The following C2orf49 variants were observed in gnomAD, a reference collection of about 807,000 sequenced individuals.
The protein encoded by C2orf49 is tRNA splicing ligase complex subunit 2.
Under a neutral mutation model 20.6 loss-of-function variants are expected in C2orf49, and 11 were observed. That is an observed-to-expected ratio of 0.53 (90% CI 0.34 to 0.88). C2orf49 has a LOEUF of 0.88. C2orf49 is among the 40% of genes least tolerant of loss of function. C2orf49 has a pLI of 0.02. For synonymous variants in C2orf49, 134 were observed against 108.5 expected (o/e 1.24, Z -1.46); for missense variants, 289 against 274.2 (o/e 1.05, Z -0.38).
the C2orf49 span, among the ~76,000 whole-genome samples, chr2:105,370,851 C>G: frequency 6.6e-6 from 1 of 152,112 alleles, no homozygotes; most frequent in East Asian, 1.9e-4. Flanking sequence ...GCCATCCAAC[C>G]CAGGGAACAC....
At chr2:105,374,656 C>T in the C2orf49 span, 1 of 152,244 alleles carries the variant, frequency 6.6e-6, no homozygotes, top group East Asian at 1.9e-4. Flanking sequence ...GCAGAAAACT[C>T]GACTCCACAC....
the C2orf49 span, among the ~76,000 whole-genome samples, chr2:105,371,694 T>C: frequency 6.6e-6 from 1 of 152,222 alleles, no homozygotes; most frequent in East Asian, 1.9e-4. Context: ...ATATGCATAC[T>C]TTTTATGTCA....
intron 3 of C2orf49, among the ~76,000 whole-genome samples, chr2:105,344,391 C>T (rs780952826): frequency 9.2e-5 from 14 of 151,772 alleles, no homozygotes; most frequent in Non-Finnish European, 1.6e-4. Flanking sequence ...TTTCCAGGCT[C>T]TTAAACAGCA....
Position 105,345,538 on chromosome 2 carries a change from T to A in C2orf49, c.*167T>A. Reference sequence around the variant, plus strand: ...TATTTTCCTTCCCTTCTTCCCTCCCTCCCTTCCTTTTTTAAAATTCTTGCC... The same window carrying A: ...TATTTTCCTTCCCTTCTTCCCTCCCACCCTTCCTTTTTTAAAATTCTTGCC... On this transcript the variant is annotated 3_prime_UTR_variant, in exon 4 of 4. Coordinates refer to ENST00000258457, the MANE Select transcript of C2orf49 (RefSeq NM_024093.3). 1.6e-6 allele frequency: 1 copy of A among 634,742 alleles called. No homozygotes were observed. The highest frequency in any genetic ancestry group is 2.8e-5 in the East Asian group (1 of 35,630). 39.3% of individuals were successfully genotyped at this position (634,742 alleles called of 1,614,324 possible).
chr2:105,364,112 G>T, the C2orf49 span, among the ~76,000 whole-genome samples: 9 of 152,084 alleles, frequency 5.9e-5, no homozygotes, highest in African/African-American at 2.2e-4. Context: ...CAAAAAATTA[G>T]CTGAGTGTGG....
chr2:105,362,394 G>C, the C2orf49 span, among the ~76,000 whole-genome samples: 1 of 152,200 alleles, frequency 6.6e-6, no homozygotes, highest in African/African-American at 2.4e-5. Context: ...GCTGAGTTAG[G>C]TGAACTTGGT....
At chr2:105,351,311 G>GCGCCC (rs1679927899), downstream of C2orf49, among the ~76,000 whole-genome samples, 1 of 50,432 alleles carries the variant, frequency 2.0e-5, no homozygotes, top group South Asian at 7.7e-4. Context: ...TTTGCCCACC[G>GCGCCC]CGCCCCCCCC....
intron 1 of C2orf49, 114 bp from the exon 2 acceptor site, chr2:105,339,469 T>C: frequency 2.0e-6 from 2 of 977,636 alleles, no homozygotes; most frequent in Non-Finnish European, 3.0e-6. Flanking sequence ...ATTGTGAAAA[T>C]GGCTTTTTAT....
chr2:105,364,919 C>T, the C2orf49 span, among the ~76,000 whole-genome samples: 2 of 152,144 alleles, frequency 1.3e-5, no homozygotes, highest in South Asian at 2.1e-4. Context: ...TTCATTAAAC[C>T]ATAAATCATG....
In C2orf49 at chr2:105,339,654, A is replaced by C. The variant is rs762781213; in HGVS notation, c.171A>C (p.Ala57=). The C allele has an allele frequency of 1.2e-6, 2 of 1,610,086 alleles. No individual in the cohort carries two copies. Among genetic ancestry groups the C allele is most frequent in the African/African-American group, 2.7e-5 (2 of 74,732 alleles). Reference sequence around the variant, plus strand: ...TTACTGACCTTTATGTCCAACATGCAATACCATTGCCTCAGAGGGATTTGC... The same window carrying C: ...TTACTGACCTTTATGTCCAACATGCCATACCATTGCCTCAGAGGGATTTGC... ...DSLTDLYVQH[A]IPLPQRDLPK... Residue 57 remains alanine (A), a synonymous_variant, in exon 2 of 4, where the codon GCA becomes GCC. Coordinates refer to ENST00000258457, the MANE Select transcript of C2orf49 (RefSeq NM_024093.3).
At chr2:105,374,139 C>T in the C2orf49 span, 3 of 279,132 alleles carry the variant, frequency 1.1e-5, no homozygotes, top group Non-Finnish European at 2.1e-5. Context: ...CTGCCCAACT[C>T]AGATCACTGT....
At chr2:105,352,431 T>TTTG (rs1679957621), downstream of C2orf49, among the ~76,000 whole-genome samples, 1 of 86,886 alleles carries the variant, frequency 1.2e-5, no homozygotes, top group Non-Finnish European at 2.9e-5. Flanking sequence ...TTGTTTGGGT[T>TTTG]TTTTTTTTTT....
At chr2:105,372,711 C>A in the C2orf49 span, among the ~76,000 whole-genome samples, 3 of 152,014 alleles carry the variant, frequency 2.0e-5, no homozygotes, top group African/African-American at 7.3e-5. Flanking sequence ...ATCTCTTGAA[C>A]CTGGGAGGCA....
At chr2:105,341,300 C>T (rs1301205108) in intron 2 of C2orf49, among the ~76,000 whole-genome samples, 1 of 152,162 alleles carries the variant, frequency 6.6e-6, no homozygotes, top group East Asian at 1.9e-4. Flanking sequence ...TTGATTAGTC[C>T]CCCAAAATCA....
chr2:105,362,926 C>T, the C2orf49 span: 1 of 206,826 alleles, frequency 4.8e-6, no homozygotes, highest in African/African-American at 2.3e-5. Context: ...TGCTAGGGGA[C>T]ACTTCTAAGA....
At chr2:105,342,401 G>C (rs1679695983) in intron 2 of C2orf49, among the ~76,000 whole-genome samples, 1 of 152,206 alleles carries the variant, frequency 6.6e-6, no homozygotes, top group South Asian at 2.1e-4. Flanking sequence ...AGAGACCTTT[G>C]CTGAATGGAG....
At chr2:105,370,504 G>A in the C2orf49 span, among the ~76,000 whole-genome samples, 1 of 152,102 alleles carries the variant, frequency 6.6e-6, no homozygotes, top group African/African-American at 2.4e-5. Flanking sequence ...CGCGAGAGCC[G>A]GTAAACCCCA....
rs548449039 is a variant in C2orf49 at position 105,346,227 on chromosome 2, G to A, written c.*856G>A. ...GCTGGAAAACTATTCAGAATATACA[G>A]ATAAAAATGCTGTTCTTTAATTGCT... On this transcript the variant is annotated 3_prime_UTR_variant, in exon 4 of 4. Coordinates refer to ENST00000258457, the MANE Select transcript of C2orf49 (RefSeq NM_024093.3). 1 of 152,244 alleles carries A rather than the reference G, an allele frequency of 6.6e-6. No individual in the cohort carries two copies. Among genetic ancestry groups the A allele is most frequent in the East Asian group, 1.9e-4 (1 of 5,174 alleles). The allele number at this position is 152,244 out of a possible 1,614,324, so 9.4% of individuals were successfully genotyped here.
the C2orf49 span, among the ~76,000 whole-genome samples, chr2:105,371,453 A>G: frequency 6.6e-6 from 1 of 151,996 alleles, no homozygotes; most frequent in African/African-American, 2.4e-5. Flanking sequence ...TTGGAACTGC[A>G]GTATCATCTC....
Sources: allele counts gnomAD v4.1 joint callset (sites outside exome capture counted in the v4.1 genomes callset), GRCh38; gene constraint gnomAD v4.1.1; transcripts MANE v1.5; gene names NCBI Gene and HGNC (gene_info 2026-07-23, HGNC 2026-07-21).